The following ROR2 variants were observed in gnomAD, a reference collection of about 807,000 sequenced individuals.
ROR2 encodes the protein tyrosine-protein kinase transmembrane receptor ROR2.
In ROR2, 33 loss-of-function variants were observed where a neutral mutation model predicts 74.9. The observed-to-expected ratio is 0.44, with a 90% CI of 0.33 to 0.59. The LOEUF (loss-of-function observed/expected upper bound fraction) is 0.59, where lower values mean the gene tolerates loss of function less well. ROR2 is among the 20% of genes least tolerant of loss of function. ROR2 has a pLI of 0.02. For missense variants in ROR2, 1,216 were observed against 1,313.8 expected, an observed-to-expected ratio of 0.93 and a Z score of 1.15; for synonymous variants, 586 against 558.7, an observed-to-expected ratio of 1.05 and a Z score of -0.69.
intron 1 of ROR2, among the ~76,000 whole-genome samples, chr9:91,833,447 C>T (rs1272799189): frequency 6.6e-6 from 1 of 152,124 alleles, no homozygotes; most frequent in Non-Finnish European, 1.5e-5. Context: ...TCCTTTCAGG[C>T]GCTCAAGTCA....
At chr9:91,790,324 AC>A (rs1409713216) in intron 1 of ROR2, among the ~76,000 whole-genome samples, 2 of 150,540 alleles carry the variant, frequency 1.3e-5, no homozygotes, top group Non-Finnish European at 3.0e-5. Flanking sequence ...ACATGATGAA[AC>A]CCCCATCTCT....
At chr9:91,882,961 C>G (rs965044946) in intron 1 of ROR2, among the ~76,000 whole-genome samples, 1 of 152,126 alleles carries the variant, frequency 6.6e-6, no homozygotes, top group African/African-American at 2.4e-5. Context: ...TCCCAGAAAA[C>G]TAATAGAGAT....
chr9:91,818,525 G>A (rs1828021567), intron 1 of ROR2, among the ~76,000 whole-genome samples: 1 of 151,304 alleles, frequency 6.6e-6, no homozygotes, highest in Admixed American at 6.6e-5. Context: ...AGGGGAGCTG[G>A]AGACCCCTCA....
chr9:91,760,831 A>G (rs1192759136), intron 2 of ROR2, among the ~76,000 whole-genome samples: 4 of 152,166 alleles, frequency 2.6e-5, no homozygotes, highest in Non-Finnish European at 5.9e-5. Flanking sequence ...TCTATTTCAG[A>G]CCTTCTGAAG....
At chr9:91,757,947 A>C (rs756228546) in intron 2 of ROR2, among the ~76,000 whole-genome samples, 1 of 152,152 alleles carries the variant, frequency 6.6e-6, no homozygotes, top group Non-Finnish European at 1.5e-5. Flanking sequence ...CTTCTCTCAC[A>C]CACATTTTTT....
At position 91,731,044 on chromosome 9, in the gene ROR2, AG is replaced by A; in HGVS notation, c.1048del (p.Leu350CysfsTer95). 1 of 1,614,136 alleles carries A rather than the reference AG, an allele frequency of 6.2e-7. No homozygotes were observed. The highest frequency in any genetic ancestry group is 1.7e-5 in the Admixed American group (1 of 60,022). ...AAGCTCAGGGAAGTCTGTGCTGGACAGGTGGTGGCTGTGGGGGTGCTGCAGG... is the reference window on the plus strand; with the variant it reads ...AAGCTCAGGGAAGTCTGTGCTGGACAGTGGTGGCTGTGGGGGTGCTGCAGG... ...WALQHPHSHHLSSTDFPELGG... is the reference protein window; with the variant it reads ...WALQHPHSHHXSSTDFPELGG... On this transcript the variant is annotated frameshift_variant, in exon 7 of 9. Transcript: ENST00000375708. LOFTEE classifies it high-confidence loss of function.
At chr9:91,831,913 G>A (rs373194844) in intron 1 of ROR2, among the ~76,000 whole-genome samples, 11 of 152,242 alleles carry the variant, frequency 7.2e-5, no homozygotes, top group South Asian at 2.1e-4. Context: ...CTGTGTGTGC[G>A]GTCAAATGCA....
At chr9:91,760,140 A>C (rs1251348491) in intron 2 of ROR2, among the ~76,000 whole-genome samples, 1 of 152,132 alleles carries the variant, frequency 6.6e-6, no homozygotes, top group Non-Finnish European at 1.5e-5. Context: ...GCCACTCCTC[A>C]GTGTTCTTTG....
intron 1 of ROR2, among the ~76,000 whole-genome samples, chr9:91,931,084 C>T (rs976872346): frequency 3.9e-5 from 6 of 151,900 alleles, no homozygotes; most frequent in Non-Finnish European, 5.9e-5. Context: ...CTATGCTCCC[C>T]CAAATGTGAC....
intron 2 of ROR2, among the ~76,000 whole-genome samples, chr9:91,767,601 A>T (rs1016400623): frequency 6.6e-6 from 1 of 152,360 alleles, no homozygotes; most frequent in East Asian, 1.9e-4. Context: ...CAGGAAGGAC[A>T]TAAAGCTGCT....
chr9:91,857,973 G>A (rs1027164432), intron 1 of ROR2, among the ~76,000 whole-genome samples: 3 of 152,172 alleles, frequency 2.0e-5, no homozygotes, highest in Non-Finnish European at 4.4e-5. Flanking sequence ...GGGTGGAAAC[G>A]ACGACCACAG....
At chr9:91,825,008 CAGACAGGCCA>C (rs1828241531) in intron 1 of ROR2, among the ~76,000 whole-genome samples, 1 of 152,242 alleles carries the variant, frequency 6.6e-6, no homozygotes, top group Non-Finnish European at 1.5e-5. Context: ...GTTCCCAAGT[CAGACAGGCCA>C]CAGGGCTGGG....
intron 1 of ROR2, among the ~76,000 whole-genome samples, chr9:91,927,608 T>C (rs1387412129): frequency 6.9e-6 from 1 of 144,524 alleles, no homozygotes; most frequent in Admixed American, 7.1e-5. Context: ...CTGTCACCCA[T>C]GTTGGAGTGC....
At chr9:91,908,081 TAGAG>T (rs142832380) in intron 1 of ROR2, among the ~76,000 whole-genome samples, 5,181 of 152,174 alleles carry the variant, frequency 0.034, 302 homozygotes, top group African/African-American at 0.12. Context: ...TTGGATAAGA[TAGAG>T]AGTGGAATCC....
At chr9:91,806,715 A>G (rs549865755) in intron 1 of ROR2, among the ~76,000 whole-genome samples, 117 of 152,088 alleles carry the variant, frequency 7.7e-4, no homozygotes, top group Non-Finnish European at 1.3e-3. Flanking sequence ...TCAGCCTCCC[A>G]AGTAGCTGGG....
intron 1 of ROR2, among the ~76,000 whole-genome samples, 168 bp downstream of exon 1, chr9:91,949,699 G>A (rs966478869): frequency 1.3e-5 from 2 of 152,186 alleles, no homozygotes; most frequent in African/African-American, 4.8e-5. Context: ...GGGGTCCGGG[G>A]TGCGGGCCGG....
At chr9:91,859,197 CTTT>C (rs541283275) in intron 1 of ROR2, among the ~76,000 whole-genome samples, 4 of 121,326 alleles carry the variant, frequency 3.3e-5, no homozygotes, top group Non-Finnish European at 4.9e-5. Context: ...GAAAGTATTC[CTTT>C]TTTTTTTTTT....
chr9:91,832,394 A>AAAAAAG, intron 1 of ROR2, among the ~76,000 whole-genome samples: 1 of 145,662 alleles, frequency 6.9e-6, no homozygotes, highest in Non-Finnish European at 1.5e-5. Context: ...AAAAAAAAAA[A>AAAAAAG]GGCTGTGTCC....
intron 1 of ROR2, among the ~76,000 whole-genome samples, chr9:91,782,184 C>T (rs1223413369): frequency 6.6e-6 from 1 of 152,238 alleles, no homozygotes; most frequent in Non-Finnish European, 1.5e-5. Flanking sequence ...GGAGCTGAGG[C>T]TTGCTTTCTC....
Sources: allele counts gnomAD v4.1 joint callset (sites outside exome capture counted in the v4.1 genomes callset), GRCh38; gene constraint gnomAD v4.1.1; transcripts MANE v1.5; gene names NCBI Gene and HGNC (gene_info 2026-07-23, HGNC 2026-07-21).